CALN1: variants seen among roughly 807,000 people sequenced by gnomAD.
CALN1 encodes the protein calcium-binding protein 8.
A neutral mutation model predicts 30.6 loss-of-function variants in CALN1; 17 were observed. The observed-to-expected ratio is 0.56, with a 90% confidence interval of 0.38 to 0.83. The LOEUF is 0.83. CALN1 is among the 40% of genes least tolerant of loss of function. The pLI, the probability that CALN1 is intolerant of heterozygous loss-of-function variation, is 0.00. For missense variants in CALN1, 291 were observed against 354.9 expected (o/e 0.82, Z 1.45); for synonymous variants, 156 against 131.4 (o/e 1.19, Z -1.28).
intron 3 of CALN1, among the ~76,000 whole-genome samples, chr7:72,115,689 C>T (rs117225530): frequency 0.027 from 4,137 of 151,566 alleles, 115 homozygotes; most frequent in Non-Finnish European, 0.035. Context: ...GGTTTCGCCA[C>T]GTTGGCCAGG....
At chr7:72,143,345 C>T (rs555840101) in intron 3 of CALN1, among the ~76,000 whole-genome samples, 259 of 151,968 alleles carry the variant, frequency 1.7e-3, no homozygotes, top group African/African-American at 6.0e-3. Context: ...CTTCAGTAGC[C>T]GATTCGATCA....
chr7:72,491,402 C>A, the CALN1 span, among the ~76,000 whole-genome samples: 1 of 152,106 alleles, frequency 6.6e-6, no homozygotes, highest in Non-Finnish European at 1.5e-5. Flanking sequence ...GATCCTATTT[C>A]TGCAAAAAGT....
In CALN1 at chr7:71,784,512, T is replaced by C. The variant is rs1308291831; in HGVS notation, c.*3263A>G. On this transcript the variant is annotated 3_prime_UTR_variant, in exon 7 of 7. Coordinates refer to ENST00000395275, the MANE Select transcript of CALN1 (RefSeq NM_031468.4). ...CTAATAGTCCCGATGCTAGATTCTG[T>C]CTGGGGGCTTTGTGGGTATCTGGAA... 1 of 288,398 alleles carries C rather than the reference T, an allele frequency of 3.5e-6. No homozygotes were observed. Among genetic ancestry groups the C allele is most frequent in the Non-Finnish European group, 6.4e-6 (1 of 156,406 alleles). The allele number at this position is 288,398 out of a possible 1,614,324, so 17.9% of individuals were successfully genotyped here.
chr7:72,317,839 G>A (rs922799481), intron 2 of CALN1, among the ~76,000 whole-genome samples: 7 of 152,062 alleles, frequency 4.6e-5, no homozygotes, highest in African/African-American at 9.7e-5. Context: ...GGTAAACACC[G>A]GGAATCCAAA....
intron 6 of CALN1, among the ~76,000 whole-genome samples, chr7:71,806,518 G>A (rs1294163404): frequency 6.6e-6 from 1 of 152,122 alleles, no homozygotes; most frequent in Non-Finnish European, 1.5e-5. Context: ...TATTGGTCAG[G>A]CTGGTCTCGA....
At chr7:72,299,689 CT>C (rs34296600) in intron 2 of CALN1, among the ~76,000 whole-genome samples, 111 of 119,830 alleles carry the variant, frequency 9.3e-4, no homozygotes, top group South Asian at 2.8e-3. Flanking sequence ...ATGCTCTTAT[CT>C]TTTTTTTTTT....
At chr7:72,124,663 A>C (rs1331549225) in intron 3 of CALN1, among the ~76,000 whole-genome samples, 2 of 152,020 alleles carry the variant, frequency 1.3e-5, no homozygotes, top group Admixed American at 6.6e-5. Context: ...AAATAGTAAT[A>C]ATAATATAAT....
At chr7:71,836,778 C>T (rs1009428445) in intron 5 of CALN1, among the ~76,000 whole-genome samples, 1 of 151,798 alleles carries the variant, frequency 6.6e-6, no homozygotes, top group African/African-American at 2.4e-5. Flanking sequence ...ACACCACGTC[C>T]AGCTAATTTT....
chr7:71,828,246 G>A (rs779602680), intron 5 of CALN1, among the ~76,000 whole-genome samples: 4 of 152,078 alleles, frequency 2.6e-5, no homozygotes, highest in African/African-American at 4.8e-5. Context: ...TGACCCGCTG[G>A]AGTGCAGAAT....
intron 3 of CALN1, among the ~76,000 whole-genome samples, chr7:72,271,593 T>TATATATATATATAG (rs1225280287): frequency 1.7e-5 from 2 of 114,822 alleles, no homozygotes; most frequent in African/African-American, 8.7e-5. Flanking sequence ...TATATATATA[T>TATATATATATATAG]AGTTTTCAGC....
At chr7:72,078,344 A>G (rs910324922) in intron 4 of CALN1, among the ~76,000 whole-genome samples, 3 of 152,036 alleles carry the variant, frequency 2.0e-5, no homozygotes, top group Non-Finnish European at 4.4e-5. Context: ...GGAAAACTGC[A>G]GCCATCACTT....
intron 1 of CALN1, among the ~76,000 whole-genome samples, chr7:72,409,578 C>A (rs1806970014): frequency 6.6e-6 from 1 of 151,946 alleles, no homozygotes; most frequent in Non-Finnish European, 1.5e-5. Flanking sequence ...AGACTCAGCA[C>A]ACCAAAGTCT....
chr7:71,885,149 T>C (rs983160800), intron 5 of CALN1, among the ~76,000 whole-genome samples: 1 of 152,132 alleles, frequency 6.6e-6, no homozygotes, highest in African/African-American at 2.4e-5. Flanking sequence ...AAACCAATGT[T>C]ATTTCTTTTT....
chr7:72,219,872 G>C (rs1252426552), intron 3 of CALN1, among the ~76,000 whole-genome samples: 1 of 152,024 alleles, frequency 6.6e-6, no homozygotes, highest in Non-Finnish European at 1.5e-5. Flanking sequence ...ATGAACAAGA[G>C]CTACCTTCTA....
intron 4 of CALN1, among the ~76,000 whole-genome samples, chr7:72,058,261 A>G (rs895436298): frequency 1.4e-5 from 2 of 147,786 alleles, no homozygotes; most frequent in African/African-American, 5.0e-5. Context: ...GGGAGTAAAT[A>G]TCTCTTAGTG....
At position 71,781,866 on chromosome 7, in the gene CALN1, A is replaced by G. The variant is rs1792736037; in HGVS notation, c.*5909T>C. Reference sequence around the variant, plus strand: ...TGGCCGGGCAAGCTTTTCCACTTTCAGAGGACTGTCTTGTGGGTGGGACTG... The same window carrying G: ...TGGCCGGGCAAGCTTTTCCACTTTCGGAGGACTGTCTTGTGGGTGGGACTG... On this transcript the variant is annotated 3_prime_UTR_variant, in exon 7 of 7. Transcript: ENST00000395275. 6.6e-6 allele frequency: 1 copy of G among 152,180 alleles called. No individual in the cohort carries two copies. 9.4% of individuals were successfully genotyped at this position (152,180 alleles called of 1,614,324 possible).
intron 2 of CALN1, among the ~76,000 whole-genome samples, chr7:72,370,186 T>C (rs1585599214): frequency 1.3e-5 from 2 of 152,366 alleles, no homozygotes; most frequent in East Asian, 3.9e-4. Flanking sequence ...CATCTCATTG[T>C]AGTTCTCATT....
At chr7:72,315,208 G>C (rs544166642) in intron 2 of CALN1, among the ~76,000 whole-genome samples, 2 of 151,508 alleles carry the variant, frequency 1.3e-5, no homozygotes, top group East Asian at 3.9e-4. Flanking sequence ...AAGAAATAAA[G>C]GGATAAAGAG....
At chr7:72,025,954 G>A (rs899722778) in intron 4 of CALN1, among the ~76,000 whole-genome samples, 1 of 152,138 alleles carries the variant, frequency 6.6e-6, no homozygotes, top group African/African-American at 2.4e-5. Flanking sequence ...TTAGGGAGGC[G>A]TGGCAAGTCA....
Sources: gnomAD v4.1 joint callset for allele counts (sites outside exome capture counted in the v4.1 genomes callset) on GRCh38, gnomAD v4.1.1 for gene constraint, MANE v1.5 for transcripts, NCBI Gene and HGNC (gene_info 2026-07-23, HGNC 2026-07-21) for gene names.